The following PAPPA2 variants were observed in gnomAD, a reference collection of about 807,000 sequenced individuals.
PAPPA2 encodes pappalysin 2, also known as pappalysin-2.
Under a neutral mutation model 176.4 loss-of-function variants are expected in PAPPA2, and 86 were observed. That is an observed-to-expected ratio of 0.49 (90% CI 0.41 to 0.58). PAPPA2 has a LOEUF of 0.58. PAPPA2 is among the 20% of genes least tolerant of loss of function. The probability of loss-of-function intolerance (pLI) is 0.00; values close to 1 mark genes in which losing one functional copy is unlikely to be tolerated. For synonymous variants in PAPPA2, 809 were observed against 852.2 expected, an observed-to-expected ratio of 0.95 and a Z score of 0.88; for missense variants, 2,073 against 2,256.9, an observed-to-expected ratio of 0.92 and a Z score of 1.65.
At chr1:176,526,506 C>T (rs1014263220) in intron 1 of PAPPA2, among the ~76,000 whole-genome samples, 1 of 152,206 alleles carries the variant, frequency 6.6e-6, no homozygotes, top group Non-Finnish European at 1.5e-5. Context: ...GATGACAGTA[C>T]CACATGGAAG....
intron 2 of PAPPA2, among the ~76,000 whole-genome samples, chr1:176,588,551 T>G (rs946600890): frequency 8.5e-5 from 13 of 152,238 alleles, no homozygotes; most frequent in Non-Finnish European, 1.5e-4. Flanking sequence ...TAATTCCACA[T>G]GGACACAGTA....
At chr1:176,800,915 C>G (rs1390238866) in intron 21 of PAPPA2, among the ~76,000 whole-genome samples, 1 of 152,134 alleles carries the variant, frequency 6.6e-6, no homozygotes, top group African/African-American at 2.4e-5. Context: ...ATAGTAGATT[C>G]CCCAATCAGT....
At chr1:176,791,053 A>G (rs1665151871) in intron 18 of PAPPA2, among the ~76,000 whole-genome samples, 1 of 152,148 alleles carries the variant, frequency 6.6e-6, no homozygotes, top group Admixed American at 6.6e-5. Context: ...AGCTCTGAAT[A>G]TATGAGCTTC....
At chr1:176,643,935 AGAG>A (rs1657243960) in intron 3 of PAPPA2, among the ~76,000 whole-genome samples, 1 of 151,864 alleles carries the variant, frequency 6.6e-6, no homozygotes, top group African/African-American at 2.4e-5. Context: ...CTCTTGCAGC[AGAG>A]GAGAAGGTGA....
rs771645599 is a variant in PAPPA2, at chr1:176,793,594, C to T, written c.5055C>T (p.Pro1685=). 21 of 1,613,190 alleles carry T rather than the reference C, an allele frequency of 1.3e-5. No individual in the cohort carries two copies. Among genetic ancestry groups the T allele is most frequent in the Non-Finnish European group, 1.6e-5 (19 of 1,179,372 alleles). Residue 1685 remains proline (P), a synonymous_variant, in exon 20 of 23, where the codon CCC becomes CCT. Transcript: ENST00000367662. The part of the protein sequence containing the change: ...AVCSPLCVIP[P]SDPVMLPENI... ...GTTCCCCATTGTGTGTAATCCCCCCCAGTGACCCCGTGATGCTACCTGAGA... is the reference window on the plus strand; with the variant it reads ...GTTCCCCATTGTGTGTAATCCCCCCTAGTGACCCCGTGATGCTACCTGAGA...
chr1:176,541,983 C>G (rs1035189493), intron 1 of PAPPA2, among the ~76,000 whole-genome samples: 2 of 152,166 alleles, frequency 1.3e-5, no homozygotes, highest in African/African-American at 4.8e-5. Context: ...AAATACCTAT[C>G]ACGTTTGTTG....
chr1:176,693,337 A>G (rs1322542595), intron 6 of PAPPA2, among the ~76,000 whole-genome samples: 2 of 152,244 alleles, frequency 1.3e-5, no homozygotes, highest in Non-Finnish European at 2.9e-5. Context: ...GAAACATACA[A>G]TGGCAAACCC....
At chr1:176,611,964 G>A (rs1654950294) in intron 3 of PAPPA2, among the ~76,000 whole-genome samples, 2 of 152,120 alleles carry the variant, frequency 1.3e-5, no homozygotes, top group African/African-American at 4.8e-5. Flanking sequence ...GCTGAAATAA[G>A]TATCCATTCA....
intron 1 of PAPPA2, among the ~76,000 whole-genome samples, chr1:176,469,984 T>G (rs1336576317): frequency 6.6e-6 from 1 of 152,212 alleles, no homozygotes; most frequent in Non-Finnish European, 1.5e-5. Context: ...TGCCAACAAC[T>G]TGGTAGGGAT....
intron 20 of PAPPA2, among the ~76,000 whole-genome samples, chr1:176,798,185 G>T (rs1163739483): frequency 6.6e-6 from 1 of 152,154 alleles, no homozygotes; most frequent in Non-Finnish European, 1.5e-5. Context: ...CCACTATTAT[G>T]AATTTATTCT....
chr1:176,752,569 C>T (rs1663235878), intron 14 of PAPPA2, among the ~76,000 whole-genome samples: 1 of 152,026 alleles, frequency 6.6e-6, no homozygotes, highest in Non-Finnish European at 1.5e-5. Flanking sequence ...TTGCAATGCC[C>T]CAGACTCACA....
At chr1:176,674,079 CAT>C (rs367575584) in intron 4 of PAPPA2, among the ~76,000 whole-genome samples, 48 of 152,118 alleles carry the variant, frequency 3.2e-4, no homozygotes, top group African/African-American at 9.2e-4. Context: ...CAAGAAAACA[CAT>C]AGAAAATAAC....
chr1:176,558,992 C>A (rs1199322664), intron 2 of PAPPA2, among the ~76,000 whole-genome samples: 1 of 152,152 alleles, frequency 6.6e-6, no homozygotes, highest in Non-Finnish European at 1.5e-5. Flanking sequence ...CTCCTGTGTC[C>A]TGTCTGATGC....
chr1:176,621,331 TA>T (rs1267724616), intron 3 of PAPPA2, among the ~76,000 whole-genome samples: 2 of 152,184 alleles, frequency 1.3e-5, no homozygotes, highest in East Asian at 3.9e-4. Context: ...AGAAAGTATG[TA>T]ATGTGCTCAT....
chr1:176,601,029 G>A (rs956512444), intron 3 of PAPPA2, among the ~76,000 whole-genome samples: 8 of 152,156 alleles, frequency 5.3e-5, no homozygotes, highest in African/African-American at 1.7e-4. Context: ...AAGTTCATAT[G>A]TTAGAAATTT....
chr1:176,522,681 TG>T (rs1249518441), intron 1 of PAPPA2, among the ~76,000 whole-genome samples: 3 of 152,244 alleles, frequency 2.0e-5, no homozygotes, highest in Non-Finnish European at 4.4e-5. Context: ...ATAATAAACC[TG>T]GGCTTCACCT....
intron 2 of PAPPA2, among the ~76,000 whole-genome samples, chr1:176,588,818 G>T (rs976965703): frequency 6.6e-6 from 1 of 152,170 alleles, no homozygotes; most frequent in South Asian, 2.1e-4. Flanking sequence ...CTGCTTGGCT[G>T]CCCTGGGGGT....
chr1:176,617,782 C>T (rs1655354978), intron 3 of PAPPA2, among the ~76,000 whole-genome samples: 1 of 151,922 alleles, frequency 6.6e-6, no homozygotes, highest in Admixed American at 6.6e-5. Context: ...CATATAATGA[C>T]TTGTCTTTTT....
chr1:176,577,457 C>G (rs1178593250), intron 2 of PAPPA2, among the ~76,000 whole-genome samples: 4 of 152,018 alleles, frequency 2.6e-5, no homozygotes. Context: ...TGAAACAGTC[C>G]CCAGGAGGTT....
Sources: gnomAD v4.1 joint callset for allele counts (sites outside exome capture counted in the v4.1 genomes callset) on GRCh38, gnomAD v4.1.1 for gene constraint, MANE v1.5 for transcripts, NCBI Gene and HGNC (gene_info 2026-07-23, HGNC 2026-07-21) for gene names.